The following TBC1D5 variants were observed in gnomAD, a reference collection of about 807,000 sequenced individuals.
TBC1D5 encodes the protein TBC1 domain family member 5.
In TBC1D5, 75 loss-of-function variants were observed where a neutral mutation model predicts 100.3. The ratio of observed to expected loss-of-function variants is 0.75; its 90% confidence interval spans 0.62 to 0.91. The LOEUF is 0.91. Among genes scored for constraint, TBC1D5 ranks in the 40% least tolerant of loss-of-function variants. The pLI, the probability that TBC1D5 is intolerant of heterozygous loss-of-function variation, is 0.00. For missense variants in TBC1D5, 910 were observed against 942.4 expected, an observed-to-expected ratio of 0.97 and a Z score of 0.45; for synonymous variants, 323 against 325.6, an observed-to-expected ratio of 0.99 and a Z score of 0.09.
At chr3:17,404,761 G>T in exon 7 of TBC1D5, 3 of 1,605,868 alleles carry the variant, frequency 1.9e-6, no homozygotes, top group Non-Finnish European at 2.5e-6. Context: ...CCTCGGGTTG[G>T]TAATATGCTA....
At chr3:17,722,006 CTAATAA>C (rs950727747) in intron 1 of TBC1D5, among the ~76,000 whole-genome samples, 1 of 151,998 alleles carries the variant, frequency 6.6e-6, no homozygotes, top group African/African-American at 2.4e-5. Context: ...TTAACTACTA[CTAATAA>C]TAATAATAAT....
chr3:17,606,017 G>C (rs1434407607), intron 2 of TBC1D5, among the ~76,000 whole-genome samples: 1 of 152,120 alleles, frequency 6.6e-6, no homozygotes, highest in Non-Finnish European at 1.5e-5. Context: ...AATTGTGATA[G>C]ACTAGAACGC....
Position 17,701,257 on chromosome 3 carries a change from CT to C in TBC1D5, c.-101+38085del, listed in dbSNP as rs1343392167. ...GAAAACCAAATACCACATGTTCTCA[CT>C]CATAGGTGGGACCTGAACGAGATCA... On this transcript the variant is annotated intron_variant, in intron 1 of 21. Coordinates refer to ENST00000253692, the Ensembl canonical transcript of TBC1D5. Among the ~76,000 whole-genome samples, 3 of 152,070 alleles carry C rather than the reference CT, an allele frequency of 2.0e-5. No homozygotes were observed. The East Asian group carries it at 5.8e-4, about 29-fold the overall frequency.
chr3:17,588,040 T>C (rs2096743224), intron 2 of TBC1D5, among the ~76,000 whole-genome samples: 1 of 152,070 alleles, frequency 6.6e-6, no homozygotes, highest in Non-Finnish European at 1.5e-5. Flanking sequence ...CTTCAGAAAG[T>C]GTTAACGGTA....
chr3:17,429,732 A>C (rs2094413437), intron 3 of TBC1D5, among the ~76,000 whole-genome samples: 1 of 151,896 alleles, frequency 6.6e-6, no homozygotes, highest in Non-Finnish European at 1.5e-5. Flanking sequence ...GCTGAAATGT[A>C]ATTTTAATGA....
intron 1 of TBC1D5, among the ~76,000 whole-genome samples, chr3:17,642,052 T>C (rs1173762146): frequency 6.6e-6 from 1 of 152,180 alleles, no homozygotes; most frequent in African/African-American, 2.4e-5. Context: ...TTAGTTTGTA[T>C]AGGTTTTGGG....
intron 3 of TBC1D5, among the ~76,000 whole-genome samples, chr3:17,487,426 C>CAAGAG (rs2095583560): frequency 6.6e-6 from 1 of 152,022 alleles, no homozygotes; most frequent in African/African-American, 2.4e-5. Flanking sequence ...TTTTGAAAAG[C>CAAGAG]ACTTTGCTCA....
chr3:17,402,877 T>C (rs979004003), intron 8 of TBC1D5, among the ~76,000 whole-genome samples: 164 of 152,232 alleles, frequency 1.1e-3, no homozygotes, highest in African/African-American at 3.4e-3. Flanking sequence ...GCAACAAGAC[T>C]ATACAATATA....
intron 15 of TBC1D5, among the ~76,000 whole-genome samples, chr3:17,280,427 C>T (rs1213892439): frequency 3.3e-5 from 5 of 152,132 alleles, no homozygotes; most frequent in African/African-American, 4.8e-5. Flanking sequence ...AAACCACCCA[C>T]GGCCTGCCCC....
intron 13 of TBC1D5, among the ~76,000 whole-genome samples, chr3:17,314,382 A>G (rs1182754835): frequency 2.0e-5 from 3 of 152,092 alleles, no homozygotes; most frequent in Non-Finnish European, 2.9e-5. Context: ...GGCTTCCCCT[A>G]TCTCTCTGTG....
At chr3:17,403,004 A>G (rs570932845) in intron 8 of TBC1D5, among the ~76,000 whole-genome samples, 177 bp downstream of exon 8, 3 of 152,166 alleles carry the variant, frequency 2.0e-5, no homozygotes, top group Non-Finnish European at 4.4e-5. Flanking sequence ...AGAAATGTGT[A>G]TCATTAGAGT....
At chr3:17,528,119 G>A (rs924151504) in intron 2 of TBC1D5, among the ~76,000 whole-genome samples, 1 of 152,036 alleles carries the variant, frequency 6.6e-6, no homozygotes, top group Non-Finnish European at 1.5e-5. Flanking sequence ...GAGTGCAGTG[G>A]CATGATCATG....
intron 3 of TBC1D5, among the ~76,000 whole-genome samples, chr3:17,456,462 T>C (rs1423024352): frequency 6.6e-6 from 1 of 152,160 alleles, no homozygotes; most frequent in African/African-American, 2.4e-5. Context: ...AGAAAAAATT[T>C]AACAATCTGA....
chr3:17,221,116 A>G (rs1311000685), intron 17 of TBC1D5, among the ~76,000 whole-genome samples: 2 of 152,046 alleles, frequency 1.3e-5, no homozygotes. Flanking sequence ...AAAAAACCAT[A>G]CGGGAGGCAG....
intron 1 of TBC1D5, among the ~76,000 whole-genome samples, chr3:17,737,581 G>A (rs1262630539): frequency 6.6e-6 from 1 of 152,118 alleles, no homozygotes; most frequent in East Asian, 1.9e-4. Flanking sequence ...CTAACATACT[G>A]TGATTACTGG....
chr3:17,685,874 G>A (rs988744026), intron 1 of TBC1D5, among the ~76,000 whole-genome samples: 1 of 152,000 alleles, frequency 6.6e-6, no homozygotes, highest in Non-Finnish European at 1.5e-5. Flanking sequence ...GAAATTTTCT[G>A]CAGGAGAATA....
At chr3:17,619,192 T>G (rs1333453172) in intron 2 of TBC1D5, among the ~76,000 whole-genome samples, 1 of 152,192 alleles carries the variant, frequency 6.6e-6, no homozygotes, top group Non-Finnish European at 1.5e-5. Context: ...ACCCTGTCCT[T>G]GGTTAGAACA....
chr3:17,336,389 C>T (rs764520583), intron 13 of TBC1D5, among the ~76,000 whole-genome samples: 4 of 151,976 alleles, frequency 2.6e-5, no homozygotes, highest in Admixed American at 2.0e-4. Context: ...AACAACTAAA[C>T]GGTATCTTAC....
rs1211471765 is a variant in TBC1D5, at chr3:17,356,206, T to C, written c.995+15869A>G. On this transcript the variant is annotated intron_variant, in intron 13 of 21. Coordinates refer to ENST00000253692, the Ensembl canonical transcript of TBC1D5. ...ATCTAATCCAATCTCCCATTCATAA[T>C]AAAAACACCCATTCATAAAATTTCT... Among the ~76,000 whole-genome samples the C allele has an allele frequency of 3.3e-5, 5 of 152,210 alleles. 1 individual carries two copies. In the East Asian group the frequency reaches 9.6e-4, roughly 29 times the overall value.
Sources: gnomAD v4.1 joint callset for allele counts (sites outside exome capture counted in the v4.1 genomes callset) on GRCh38, gnomAD v4.1.1 for gene constraint, MANE v1.5 for transcripts, NCBI Gene and HGNC (gene_info 2026-07-23, HGNC 2026-07-21) for gene names.